Variants in LRRC40 observed in about 807,000 individuals in gnomAD.
LRRC40 encodes leucine rich repeat containing 40.
A neutral mutation model predicts 72.8 loss-of-function variants in LRRC40; 76 were observed. The ratio of observed to expected loss-of-function variants is 1.04; its 90% CI spans 0.87 to 1.26. LRRC40 has a LOEUF of 1.26. Among genes scored for constraint, LRRC40 ranks in the 50% most tolerant of loss-of-function variants. LRRC40 has a pLI of 0.00. For synonymous variants in LRRC40, 243 were observed against 254.2 expected, an observed-to-expected ratio of 0.96 and a Z score of 0.42; for missense variants, 684 against 698.9, an observed-to-expected ratio of 0.98 and a Z score of 0.24.
chr1:70,162,716 G>C (rs547541132), intron 9 of LRRC40, among the ~76,000 whole-genome samples: 18 of 152,188 alleles, frequency 1.2e-4, no homozygotes, highest in African/African-American at 4.3e-4. Context: ...CTAAGTGCTG[G>C]GGACATAAAA....
At chr1:70,182,117 A>AT (rs1339901754) in intron 4 of LRRC40, among the ~76,000 whole-genome samples, 3 of 151,948 alleles carry the variant, frequency 2.0e-5, no homozygotes, top group Non-Finnish European at 4.4e-5. Context: ...ACTGGATCAA[A>AT]TCTTTTTTTA....
chr1:70,168,670 C>A (rs891687195), intron 9 of LRRC40, among the ~76,000 whole-genome samples: 1 of 152,188 alleles, frequency 6.6e-6, no homozygotes, highest in African/African-American at 2.4e-5. Context: ...AGACTGTACA[C>A]AAGCTAGCTC....
intron 9 of LRRC40, among the ~76,000 whole-genome samples, chr1:70,163,648 T>C (rs1237448181): frequency 6.6e-6 from 1 of 152,172 alleles, no homozygotes; most frequent in African/African-American, 2.4e-5. Context: ...CCCTTTGCCA[T>C]GTAAGGTAAC....
At chr1:70,195,003 T>A (rs1668577899) in intron 1 of LRRC40, among the ~76,000 whole-genome samples, 1 of 152,126 alleles carries the variant, frequency 6.6e-6, no homozygotes, top group Non-Finnish European at 1.5e-5. Flanking sequence ...CTGGAATAAC[T>A]ATAAAATAAA....
At chr1:70,200,770 C>T (rs1377248583) in intron 1 of LRRC40, among the ~76,000 whole-genome samples, 1 of 152,122 alleles carries the variant, frequency 6.6e-6, no homozygotes, top group Admixed American at 6.5e-5. Context: ...TTATCTCATA[C>T]ATTTCCCATA....
intron 11 of LRRC40, among the ~76,000 whole-genome samples, chr1:70,153,972 CAAAAAAAAAA>C (rs1042976831): frequency 5.2e-5 from 3 of 58,196 alleles, no homozygotes; most frequent in East Asian, 4.3e-4. Flanking sequence ...GATCCTGTCT[CAAAAAAAAAA>C]AAAAAAAAAA....
intron 9 of LRRC40, among the ~76,000 whole-genome samples, chr1:70,164,840 T>C (rs1375854973): frequency 6.6e-6 from 1 of 152,190 alleles, no homozygotes; most frequent in Non-Finnish European, 1.5e-5. Context: ...TAAAAACAAA[T>C]TTTTAAATTA....
rs1358840817 is a variant in LRRC40 at position 70,145,573 on chromosome 1, T to A, written c.*227A>T. On this transcript the variant is annotated 3_prime_UTR_variant, in exon 15 of 15. Transcript: ENST00000370952. ...ATGAACACATTGTGGTTATCACCAT[T>A]ACAAATGTATACAACACCTTACAAA... The A allele has an allele frequency of 3.1e-6, 1 of 318,018 alleles. No homozygotes were observed. The highest frequency in any genetic ancestry group is 5.7e-6 in the Non-Finnish European group (1 of 175,336). The allele number at this position is 318,018 out of a possible 1,614,324, so 19.7% of individuals were successfully genotyped here.
intron 4 of LRRC40, among the ~76,000 whole-genome samples, chr1:70,182,990 A>G (rs1047224281): frequency 2.0e-5 from 3 of 152,096 alleles, no homozygotes; most frequent in African/African-American, 7.2e-5. Context: ...ATCAACTGCT[A>G]CCTTTTACCA....
In LRRC40 at chr1:70,145,815, G is replaced by T. The variant is rs1667271716; in HGVS notation, c.1794C>A (p.Asp598Glu). ...GTAAILEYLR[D>E]RIPT ...CAACTCCATGTTAAGTAGGAATTCG[G>T]TCTCTCAAATATTCAAGTATAGCAG... The change falls in exon 15 of 15, where the codon GAC (aspartate) becomes GAA (glutamate). Residue 598 changes from aspartate to glutamate, a missense_variant. Physicochemically the swap from Asp to Glu is conservative, Grantham distance 45 (BLOSUM62 2). Coordinates refer to ENST00000370952, the MANE Select transcript of LRRC40 (RefSeq NM_017768.5). 6.3e-7 allele frequency: 1 copy of T among 1,594,594 alleles called. No homozygotes were observed. The highest frequency in any genetic ancestry group is 8.6e-7 in the Non-Finnish European group (1 of 1,163,378).
intron 6 of LRRC40, among the ~76,000 whole-genome samples, chr1:70,178,430 A>G (rs1427813803): frequency 1.3e-5 from 2 of 152,212 alleles, no homozygotes; most frequent in African/African-American, 4.8e-5. Context: ...ACAAGACACC[A>G]TTAATTCTAC....
At chr1:70,160,717 G>GCTCCTTTT (rs1667737760) in intron 9 of LRRC40, among the ~76,000 whole-genome samples, 1 of 152,036 alleles carries the variant, frequency 6.6e-6, no homozygotes, top group African/African-American at 2.4e-5. Context: ...GCATCAAGGA[G>GCTCCTTTT]AATATAAGGA....
intron 1 of LRRC40, among the ~76,000 whole-genome samples, chr1:70,192,304 T>G (rs1283929623): frequency 6.6e-6 from 1 of 152,084 alleles, no homozygotes; most frequent in South Asian, 2.1e-4. Context: ...CTAGTGATTT[T>G]TGTACATTGA....
Position 70,195,303 on chromosome 1 carries a change from T to C in LRRC40, c.152-6030A>G, listed in dbSNP as rs940412385. Reference sequence around the variant, plus strand: ...AGAAAATATTAGACAGATACTGATATAGATATCTGAGACGGAATTGTATCT... The same window carrying C: ...AGAAAATATTAGACAGATACTGATACAGATATCTGAGACGGAATTGTATCT... On this transcript the variant is annotated intron_variant, in intron 1 of 14. Transcript: ENST00000370952. Among the ~76,000 whole-genome samples the C allele has an allele frequency of 5.3e-5, 8 of 151,444 alleles. No individual in the cohort carries two copies. In the South Asian group the frequency reaches 1.0e-3, roughly 20 times the overall value.
At chr1:70,187,690 G>C (rs1357854863) in intron 2 of LRRC40, among the ~76,000 whole-genome samples, 1 of 151,978 alleles carries the variant, frequency 6.6e-6, no homozygotes, top group Admixed American at 6.6e-5. Flanking sequence ...TATTAGTCAG[G>C]CGTAGTGGCG....
At chr1:70,148,023 A>C (rs1178525869) in intron 14 of LRRC40, 2 of 152,058 alleles carry the variant, frequency 1.3e-5, no homozygotes, top group Non-Finnish European at 2.9e-5. Context: ...TCAATAGGCC[A>C]ATTATTGATG....
At chr1:70,199,266 A>C (rs1668683016) in intron 1 of LRRC40, among the ~76,000 whole-genome samples, 1 of 149,276 alleles carries the variant, frequency 6.7e-6, no homozygotes, top group African/African-American at 2.5e-5. Context: ...ATTAGAAGAA[A>C]AACCTCCACA....
chr1:70,195,605 T>A (rs1447522305), intron 1 of LRRC40, among the ~76,000 whole-genome samples: 1 of 151,968 alleles, frequency 6.6e-6, no homozygotes, highest in Non-Finnish European at 1.5e-5. Flanking sequence ...TGGGAAACAG[T>A]TTGGTGAATT....
At chr1:70,194,135 A>G (rs1668559365) in intron 1 of LRRC40, among the ~76,000 whole-genome samples, 2 of 152,112 alleles carry the variant, frequency 1.3e-5, no homozygotes, top group Admixed American at 1.3e-4. Flanking sequence ...AAAGGCATTC[A>G]GATTGGACAA....
Sources: gnomAD v4.1 joint callset for allele counts (sites outside exome capture counted in the v4.1 genomes callset) on GRCh38, gnomAD v4.1.1 for gene constraint, MANE v1.5 for transcripts, NCBI Gene and HGNC (gene_info 2026-07-23, HGNC 2026-07-21) for gene names.